PON3: variants seen among roughly 807,000 people sequenced by gnomAD.
PON3 encodes serum paraoxonase/lactonase 3.
PON3 carries 37 observed loss-of-function variants against 36.3 expected under a neutral mutation model. That is an observed-to-expected ratio of 1.02 (90% CI 0.78 to 1.34). The LOEUF is 1.34. PON3 is among the 40% of genes most tolerant of loss of function. PON3 has a pLI of 0.00. For missense variants in PON3, 415 were observed against 426.5 expected, an observed-to-expected ratio of 0.97 and a Z score of 0.24; for synonymous variants, 155 against 154.8, an observed-to-expected ratio of 1.00 and a Z score of -0.01.
Position 95,366,102 on chromosome 7 carries a change from G to T in PON3, c.494+1260C>A, listed in dbSNP as rs185408012. ...CTTCTCCCTTCCTTGCCTCACACTG[G>T]TTTCTCAAGTCTGCTTCCTGGGATT... On this transcript the variant is annotated intron_variant, in intron 5 of 8. Transcript: ENST00000265627. 8.7e-3 allele frequency among the ~76,000 whole-genome samples: 1,318 copies of T among 152,176 alleles called. 24 individuals are homozygous for T. The highest frequency in any genetic ancestry group is 0.022 in the South Asian group (108 of 4,810).
intron 4 of PON3, among the ~76,000 whole-genome samples, chr7:95,370,115 G>A (rs1808777232): frequency 6.6e-6 from 1 of 152,212 alleles, no homozygotes; most frequent in Non-Finnish European, 1.5e-5. Flanking sequence ...AAGCACCCAG[G>A]AACCCAGGCC....
rs1429113071 is a variant in PON3, at chr7:95,359,942, A to G, written c.*31T>C. 2 of 1,429,130 alleles carry G rather than the reference A, an allele frequency of 1.4e-6. No homozygotes were observed. The highest frequency in any genetic ancestry group is 2.4e-5 in the South Asian group (2 of 83,504). The allele number at this position is 1,429,130 out of a possible 1,614,324, so 88.5% of individuals were successfully genotyped here. A position where few individuals can be genotyped will look rare whatever the true frequency, so the allele number is the denominator to read the frequency against. On this transcript the variant is annotated 3_prime_UTR_variant, in exon 9 of 9. Transcript: ENST00000265627. ...CAGTTTACTTTTACAAAATATGTAG[A>G]CTTTTTTTTTTTTTTTTTACTATCT...
intron 2 of PON3, among the ~76,000 whole-genome samples, chr7:95,390,779 G>A (rs1397174051): frequency 6.6e-6 from 1 of 152,136 alleles, no homozygotes; most frequent in Non-Finnish European, 1.5e-5. Flanking sequence ...CTCAGTAAGA[G>A]CTAGTTTTCA....
intron 5 of PON3, among the ~76,000 whole-genome samples, chr7:95,366,227 G>A (rs1486121988): frequency 3.3e-5 from 5 of 152,080 alleles, no homozygotes; most frequent in East Asian, 1.9e-4. Flanking sequence ...GTTGATCCTC[G>A]CAATCCACTA....
In PON3 at chr7:95,363,997, G is replaced by A. The variant is rs1164536719; in HGVS notation, c.561C>T (p.Asn187=). 1 of 1,613,900 alleles carries A rather than the reference G, an allele frequency of 6.2e-7. No homozygotes were observed. Among genetic ancestry groups the A allele is most frequent in the Non-Finnish European group, 8.5e-7 (1 of 1,179,790 alleles). ...TCATCTCAAAAAATGACAGGAGGGAGTTGGTAAAATAGTGGTCTCTGGTGG... is the reference window on the plus strand; with the variant it reads ...TCATCTCAAAAAATGACAGGAGGGAATTGGTAAAATAGTGGTCTCTGGTGG... ...FYATRDHYFT[N]SLLSFFEMIL... is the part of the protein sequence containing the mutation. The change falls in exon 6 of 9, where the codon AAC becomes AAT. Residue 187 remains asparagine, a synonymous_variant. Transcript: ENST00000265627.
chr7:95,396,302 C>T lies in PON3; in HGVS notation c.49G>A (p.Val17Ile). 1 of 1,614,086 alleles carries T rather than the reference C, an allele frequency of 6.2e-7. No individual in the cohort carries two copies. The highest frequency in any genetic ancestry group is 1.1e-5 in the South Asian group (1 of 91,070). The change falls in exon 1 of 9, where the codon GTC (valine) becomes ATC (isoleucine). Residue 17 changes from valine (V) to isoleucine (I), a missense_variant. Val to Ile is a conservative substitution (Grantham distance 29, BLOSUM62 3). Coordinates refer to ENST00000265627, the MANE Select transcript of PON3 (RefSeq NM_000940.3). ...LVLLGVGLSL[V>I]GEMFLAFRER... is the part of the protein sequence containing the mutation. ...CTAAACGCCAGGAACATCTCCCCGA[C>T]TAAGGACAGGCCGACCCCCAGCAGG...
At chr7:95,369,971 G>A (rs1808775347) in intron 4 of PON3, among the ~76,000 whole-genome samples, 1 of 152,172 alleles carries the variant, frequency 6.6e-6, no homozygotes, top group Non-Finnish European at 1.5e-5. Context: ...AGAGGGAACA[G>A]CAGATGTAAA....
chr7:95,391,408 G>C (rs1809315035), intron 2 of PON3, among the ~76,000 whole-genome samples: 1 of 152,254 alleles, frequency 6.6e-6, no homozygotes, highest in African/African-American at 2.4e-5. Context: ...AGATGTCAAG[G>C]GCAGCCAGAT....
chr7:95,390,281 A>G, intron 2 of PON3, 72 bp from the exon 3 acceptor site: 2 of 1,200,270 alleles, frequency 1.7e-6, no homozygotes, highest in Non-Finnish European at 2.5e-6. Context: ...AGTCCAAACT[A>G]CAAATATCTT....
chr7:95,367,156 C>T (rs1053997284), intron 5 of PON3, among the ~76,000 whole-genome samples: 8 of 152,044 alleles, frequency 5.3e-5, no homozygotes, highest in East Asian at 1.9e-4. Flanking sequence ...TCAAAATGCT[C>T]GAAAATATAG....
intron 3 of PON3, among the ~76,000 whole-genome samples, chr7:95,384,858 T>A (rs188816357): frequency 1.3e-5 from 2 of 152,192 alleles, no homozygotes; most frequent in Non-Finnish European, 2.9e-5. Context: ...ACTGGGTATA[T>A]ACCCAAAGGA....
intron 3 of PON3, among the ~76,000 whole-genome samples, chr7:95,384,789 C>T (rs973351624): frequency 2.0e-5 from 3 of 152,238 alleles, no homozygotes; most frequent in Admixed American, 6.5e-5. Flanking sequence ...GACAGTGTGG[C>T]GATTCCTCAG....
At chr7:95,387,286 A>C (rs2116417604) in intron 3 of PON3, among the ~76,000 whole-genome samples, 1 of 152,322 alleles carries the variant, frequency 6.6e-6, no homozygotes, top group African/African-American at 2.4e-5. Context: ...ACTTCAGCAA[A>C]GTTTCAGGAT....
At chr7:95,363,345 AAACACTTTTTAAAAG>A (rs1346175632) in intron 6 of PON3, 1 of 181,718 alleles carries the variant, frequency 5.5e-6, no homozygotes, top group Non-Finnish European at 1.2e-5. Flanking sequence ...TCCAATTTTT[AAACACTTTTTAAAAG>A]TGTTTTCTCA....
chr7:95,382,388 C>T (rs1486200722), intron 3 of PON3, among the ~76,000 whole-genome samples: 4 of 151,872 alleles, frequency 2.6e-5, no homozygotes, highest in Admixed American at 6.6e-5. Flanking sequence ...CACAAAAAAC[C>T]CTTCAAAAAA....
At chr7:95,363,813 C>G in intron 6 of PON3, 50 bp downstream of exon 6, 1 of 1,537,836 alleles carries the variant, frequency 6.5e-7, no homozygotes, top group Non-Finnish European at 9.0e-7. Flanking sequence ...GGAAAGGAGT[C>G]CACGAAAATG....
chr7:95,374,023 T>C (rs1210280259), intron 3 of PON3, among the ~76,000 whole-genome samples: 1 of 152,168 alleles, frequency 6.6e-6, no homozygotes, highest in East Asian at 1.9e-4. Flanking sequence ...GGATCTAGGT[T>C]GGATGCTCCT....
At chr7:95,382,097 T>C (rs1201944923) in intron 3 of PON3, among the ~76,000 whole-genome samples, 1 of 152,180 alleles carries the variant, frequency 6.6e-6, no homozygotes, top group Non-Finnish European at 1.5e-5. Context: ...TGCTCCTGAA[T>C]GACTACTGGG....
rs974101972 is a variant in PON3 at position 95,396,300 on chromosome 7, G to A, written c.51C>T (p.Val17=). Residue 17 remains valine, a synonymous_variant, in exon 1 of 9, where the codon GTC becomes GTT. Transcript: ENST00000265627. Reference sequence around the variant, plus strand: ...ACCTAAACGCCAGGAACATCTCCCCGACTAAGGACAGGCCGACCCCCAGCA... The same window carrying A: ...ACCTAAACGCCAGGAACATCTCCCCAACTAAGGACAGGCCGACCCCCAGCA... ...LVLLGVGLSL[V]GEMFLAFRER... is the part of the protein sequence containing the mutation. 7 of 1,613,786 alleles carry A rather than the reference G, an allele frequency of 4.3e-6. No homozygotes were observed. The African/African-American group carries it at 5.3e-5, about 12-fold the overall frequency.
Sources: gnomAD v4.1 joint callset for allele counts (sites outside exome capture counted in the v4.1 genomes callset) on GRCh38, gnomAD v4.1.1 for gene constraint, MANE v1.5 for transcripts, NCBI Gene and HGNC (gene_info 2026-07-23, HGNC 2026-07-21) for gene names.